DPP6: variants seen among roughly 807,000 people sequenced by gnomAD.
The protein encoded by DPP6 is A-type potassium channel modulatory protein DPP6.
DPP6 carries 69 observed loss-of-function variants against 122.6 expected under a neutral mutation model. The ratio of observed to expected loss-of-function variants is 0.56; its 90% CI spans 0.46 to 0.69. The LOEUF is 0.69. Ranked by LOEUF, DPP6 falls within the 30% of genes least tolerant of loss-of-function variation. The probability of loss-of-function intolerance (pLI) is 0.00; values close to 1 mark genes in which losing one functional copy is unlikely to be tolerated. For missense variants in DPP6, 928 were observed against 1,116.9 expected, an observed-to-expected ratio of 0.83 and a Z score of 2.41; for synonymous variants, 418 against 433.1, an observed-to-expected ratio of 0.97 and a Z score of 0.43.
chr7:154,749,764 T>A (rs1256941544), intron 8 of DPP6, among the ~76,000 whole-genome samples: 1 of 62,096 alleles, frequency 1.6e-5, no homozygotes, highest in Non-Finnish European at 3.3e-5. Flanking sequence ...GGATGGAGGC[T>A]TTACTGAGAG....
chr7:154,420,709 CACA>C (rs1817401745), intron 1 of DPP6, among the ~76,000 whole-genome samples: 1 of 152,030 alleles, frequency 6.6e-6, no homozygotes. Flanking sequence ...TAAATGTTCT[CACA>C]ACAAAAAATA....
chr7:153,962,315 T>A (rs1251606164), intron 1 of DPP6, among the ~76,000 whole-genome samples: 3 of 152,202 alleles, frequency 2.0e-5, no homozygotes, highest in African/African-American at 4.8e-5. Flanking sequence ...GTCTGCAGAA[T>A]CTGATGCTAG....
At chr7:154,407,357 C>T (rs1816203709) in intron 1 of DPP6, among the ~76,000 whole-genome samples, 1 of 152,132 alleles carries the variant, frequency 6.6e-6, no homozygotes, top group Non-Finnish European at 1.5e-5. Flanking sequence ...ATCTTAACTG[C>T]CCAAATGTTA....
intron 4 of DPP6, among the ~76,000 whole-genome samples, chr7:154,546,126 TATG>T (rs1047513016): frequency 1.3e-5 from 2 of 152,110 alleles, no homozygotes; most frequent in Admixed American, 6.6e-5. Context: ...AAAGATAAAA[TATG>T]ATGTATTCAT....
the DPP6 span, among the ~76,000 whole-genome samples, chr7:153,868,322 T>G: frequency 6.0e-4 from 91 of 152,306 alleles, no homozygotes; most frequent in Non-Finnish European, 1.3e-4. Flanking sequence ...ATTGCCTCAA[T>G]TTCAGAGCCT....
At chr7:154,622,284 A>G (rs1834740324) in intron 5 of DPP6, among the ~76,000 whole-genome samples, 1 of 152,206 alleles carries the variant, frequency 6.6e-6, no homozygotes, top group South Asian at 2.1e-4. Context: ...AAGATGTTAC[A>G]GAGGCTGGTT....
At chr7:154,752,859 C>A (rs992373057) in intron 8 of DPP6, among the ~76,000 whole-genome samples, 2 of 152,150 alleles carry the variant, frequency 1.3e-5, no homozygotes, top group African/African-American at 4.8e-5. Context: ...ATGTTAAGAC[C>A]AAGGGAAAGA....
At chr7:154,716,914 A>G (rs1427598499) in intron 7 of DPP6, among the ~76,000 whole-genome samples, 1 of 152,024 alleles carries the variant, frequency 6.6e-6, no homozygotes, top group East Asian at 1.9e-4. Flanking sequence ...GCTCACTGCA[A>G]CCTCAGCCTC....
At chr7:153,887,744 A>T in intron 1 of DPP6, 11 of 1,613,132 alleles carry the variant, frequency 6.8e-6, no homozygotes, top group Non-Finnish European at 8.5e-6. Context: ...GGTGAGTGCC[A>T]CGGACAGGGC....
chr7:154,232,881 A>G (rs1038752442), intron 1 of DPP6, among the ~76,000 whole-genome samples: 1 of 152,218 alleles, frequency 6.6e-6, no homozygotes, highest in Non-Finnish European at 1.5e-5. Context: ...CGCAGATGGA[A>G]ATAGATGGCA....
At chr7:154,462,015 T>A (rs1821342301) in intron 2 of DPP6, among the ~76,000 whole-genome samples, 1 of 152,212 alleles carries the variant, frequency 6.6e-6, no homozygotes, top group South Asian at 2.1e-4. Context: ...AGTCCTTTAA[T>A]CCATTTTGAT....
chr7:154,339,748 G>A (rs1306349998), intron 1 of DPP6, among the ~76,000 whole-genome samples: 2 of 152,218 alleles, frequency 1.3e-5, no homozygotes, highest in South Asian at 4.1e-4. Context: ...GAATGCACTT[G>A]TTACAAGTGC....
At chr7:154,281,674 A>G (rs146064222) in intron 1 of DPP6, among the ~76,000 whole-genome samples, 24 of 152,328 alleles carry the variant, frequency 1.6e-4, no homozygotes, top group African/African-American at 5.3e-4. Flanking sequence ...TTTCAAAGGC[A>G]TTTTGTATCT....
At chr7:154,353,405 T>A (rs1811034135) in intron 1 of DPP6, among the ~76,000 whole-genome samples, 1 of 152,072 alleles carries the variant, frequency 6.6e-6, no homozygotes, top group Non-Finnish European at 1.5e-5. Flanking sequence ...AATGAACCCC[T>A]GCAAAGTGGG....
chr7:153,762,651 A>G, the DPP6 span, among the ~76,000 whole-genome samples: 2 of 152,066 alleles, frequency 1.3e-5, no homozygotes, highest in Non-Finnish European at 2.9e-5. Flanking sequence ...ATGGTGGTGC[A>G]TGCCTGTAAT....
At position 154,575,421 on chromosome 7, in the gene DPP6, T is replaced by TG. The variant is rs1586662984; in HGVS notation, c.627+8506dup. ...TGTGTGTGTGGTGTTTGTGTATGTG[T>TG]GTGTGGTGTGTATGTGTGTGGTGTG... On this transcript the variant is annotated intron_variant, in intron 5 of 25. Transcript: ENST00000377770. 0.023 allele frequency among the ~76,000 whole-genome samples: 2,980 copies of TG among 129,130 alleles called. 377 individuals carry two copies. The East Asian group carries it at 0.31, about 13-fold the overall frequency. The allele number at this position is 129,130 out of a possible 152,430, so 84.7% of individuals were successfully genotyped here.
chr7:154,461,909 T>C (rs1366929691), intron 2 of DPP6, among the ~76,000 whole-genome samples: 1 of 152,178 alleles, frequency 6.6e-6, no homozygotes, highest in Non-Finnish European at 1.5e-5. Flanking sequence ...CTTTGCTAAA[T>C]AGGGTATTAC....
rs146917354 is a variant in DPP6, at chr7:154,769,588, C to A, written c.1038+17C>A. ...TATCCCAAGGTAGGCAAAGGGACAC[C>A]GCACAGCAAATTCTTTATATTATTC... is the stretch of plus-strand genomic sequence containing the variant. On this transcript the variant is annotated intron_variant, in intron 9 of 25. Transcript: ENST00000377770. The A allele has an allele frequency of 1.9e-6, 3 of 1,569,176 alleles. No individual in the cohort carries two copies. Among genetic ancestry groups the A allele is most frequent in the Non-Finnish European group, 2.6e-6 (3 of 1,154,796 alleles).
chr7:153,971,777 C>T (rs1455540491), intron 1 of DPP6, among the ~76,000 whole-genome samples: 3 of 143,482 alleles, frequency 2.1e-5, no homozygotes, highest in African/African-American at 5.2e-5. Flanking sequence ...CTCTAGAGCT[C>T]AGGTCTTCTG....
Sources: gnomAD v4.1 joint callset for allele counts (sites outside exome capture counted in the v4.1 genomes callset) on GRCh38, gnomAD v4.1.1 for gene constraint, MANE v1.5 for transcripts, NCBI Gene and HGNC (gene_info 2026-07-23, HGNC 2026-07-21) for gene names.